ZFP2: variants seen among roughly 807,000 people sequenced by gnomAD.
ZFP2 encodes ZFP2 zinc finger protein, also known as zinc finger protein ZFP2.
A neutral mutation model predicts 36.1 loss-of-function variants in ZFP2; 33 were observed. The observed-to-expected ratio is 0.92, with a 90% CI of 0.69 to 1.22. The LOEUF is 1.22. Among genes scored for constraint, ZFP2 ranks in the 50% most tolerant of loss-of-function variants. The probability of loss-of-function intolerance (pLI) is 0.00; values close to 1 mark genes in which losing one functional copy is unlikely to be tolerated. For synonymous variants in ZFP2, 170 were observed against 178.0 expected, an observed-to-expected ratio of 0.96 and a Z score of 0.36; for missense variants, 522 against 551.4, an observed-to-expected ratio of 0.95 and a Z score of 0.53.
chr5:178,931,609 A>G lies in ZFP2; in HGVS notation c.296A>G (p.Lys99Arg), dbSNP rs372597097. ...AAAACTCAAAGAATGTTTGTAGGAAAGAAGATCTATGAATGTAATCAGTGC... is the reference window on the plus strand; with the variant it reads ...AAAACTCAAAGAATGTTTGTAGGAAGGAAGATCTATGAATGTAATCAGTGC... ...LIKTQRMFVG[K>R]KIYECNQCSK... Residue 99 changes from lysine to arginine, a missense_variant, in exon 5 of 5, where the codon AAG becomes AGG. Transcript: ENST00000361362. 15 of 1,614,092 alleles carry G rather than the reference A, an allele frequency of 9.3e-6. No individual in the cohort carries two copies. Among genetic ancestry groups the G allele is most frequent in the Non-Finnish European group, 1.3e-5 (15 of 1,180,038 alleles).
intron 1 of ZFP2, among the ~76,000 whole-genome samples, chr5:178,898,686 T>A (rs1473650676): frequency 1.3e-5 from 2 of 152,176 alleles, no homozygotes; most frequent in Non-Finnish European, 2.9e-5. Context: ...GTGAGCTCAT[T>A]TTTCCCTCTC....
chr5:178,923,914 T>G (rs1203011155), intron 4 of ZFP2, among the ~76,000 whole-genome samples: 1 of 149,482 alleles, frequency 6.7e-6, no homozygotes, highest in East Asian at 1.9e-4. Context: ...TTGTTCTTTT[T>G]GTAATTTGAT....
At chr5:178,918,253 T>G (rs1388629646) in intron 4 of ZFP2, among the ~76,000 whole-genome samples, 2 of 152,216 alleles carry the variant, frequency 1.3e-5, no homozygotes, top group African/African-American at 4.8e-5. Context: ...TTTATCGTGT[T>G]CATAAAACCA....
intron 4 of ZFP2, among the ~76,000 whole-genome samples, chr5:178,926,390 C>T (rs968399243): frequency 2.0e-5 from 3 of 152,156 alleles, no homozygotes; most frequent in Non-Finnish European, 4.4e-5. Flanking sequence ...TAAATGGATT[C>T]TCCTTTGCTT....
At chr5:178,920,670 C>G (rs933931452) in intron 4 of ZFP2, among the ~76,000 whole-genome samples, 1 of 151,804 alleles carries the variant, frequency 6.6e-6, no homozygotes, top group African/African-American at 2.4e-5. Flanking sequence ...TTTTTCACTT[C>G]CAGAATTTCC....
chr5:178,898,252 C>T (rs1757981850), intron 1 of ZFP2, among the ~76,000 whole-genome samples: 1 of 152,200 alleles, frequency 6.6e-6, no homozygotes, highest in South Asian at 2.1e-4. Flanking sequence ...TCCCAAAGTG[C>T]TGGGATTACA....
chr5:178,919,858 G>C (rs188372299), intron 4 of ZFP2, among the ~76,000 whole-genome samples: 34 of 152,232 alleles, frequency 2.2e-4, no homozygotes, highest in Middle Eastern at 3.4e-3. Flanking sequence ...CTACTTGGGA[G>C]GCTGAGGAGG....
rs1406067247 is a variant in ZFP2, at chr5:178,931,936, A to G, written c.623A>G (p.His208Arg). ...NSSLIQHERIHTGEKPYKCNE... is the reference protein window; with the variant it reads ...NSSLIQHERIRTGEKPYKCNE... ...TCTCTTATTCAGCATGAAAGGATTC[A>G]TACTGGAGAGAAACCCTACAAATGT... Residue 208 changes from histidine to arginine, a missense_variant, in exon 5 of 5, where the codon CAT (histidine) becomes CGT (arginine). Coordinates refer to ENST00000361362, the MANE Select transcript of ZFP2 (RefSeq NM_030613.4). The G allele has an allele frequency of 1.2e-6, 2 of 1,613,944 alleles. No homozygotes were observed. The highest frequency in any genetic ancestry group is 1.3e-5 in the African/African-American group (1 of 74,946).
intron 4 of ZFP2, among the ~76,000 whole-genome samples, chr5:178,928,431 C>A (rs554638464): frequency 2.0e-4 from 30 of 152,246 alleles, no homozygotes; most frequent in Middle Eastern, 6.8e-3. Flanking sequence ...GGGGTATAGG[C>A]ATTGGGTCAA....
rs151199399 is a variant in ZFP2 at position 178,932,498 on chromosome 5, T to C, written c.1185T>C (p.Ala395=). 6.2e-7 allele frequency: 1 copy of C among 1,613,886 alleles called. No homozygotes were observed. The highest frequency in any genetic ancestry group is 1.3e-5 in the African/African-American group (1 of 74,870). Residue 395 remains alanine, a synonymous_variant, in exon 5 of 5, where the codon GCT becomes GCC. Coordinates refer to ENST00000361362, the MANE Select transcript of ZFP2 (RefSeq NM_030613.4). ...NECGKAFSQS[A]YLIEHQRIHT... is the part of the protein sequence containing the mutation. ...GTGGAAAGGCATTCAGCCAGAGTGC[T>C]TACCTTATTGAACATCAAAGAATTC...
In ZFP2 at chr5:178,932,300, C is replaced by G. The variant is rs372341194; in HGVS notation, c.987C>G (p.Asn329Lys). Residue 329 changes from asparagine (N) to lysine (K), a missense_variant, in exon 5 of 5, where the codon AAC becomes AAG. Transcript: ENST00000361362. ...CTGGAGTAAAACCTTTTGAATGTAA[C>G]GAGTGTGGAAAAGCTTTCAGTAAGA... is the stretch of plus-strand genomic sequence containing the variant. ...LHSGVKPFEC[N>K]ECGKAFSKNS... The G allele has an allele frequency of 5.0e-6, 8 of 1,613,982 alleles. No individual in the cohort carries two copies. Among genetic ancestry groups the G allele is most frequent in the African/African-American group, 2.7e-5 (2 of 74,988 alleles).
At position 178,915,055 on chromosome 5, in the gene ZFP2, C is replaced by T. The variant is rs533769918; in HGVS notation, c.-223-1510C>T. Among the ~76,000 whole-genome samples, 22 of 152,262 alleles carry T rather than the reference C, an allele frequency of 1.4e-4. No homozygotes were observed. In the South Asian group the frequency reaches 4.4e-3, roughly 30 times the overall value. ...CTGAATGTTCTTCTTAAATAGCAGT[C>T]TTTCTAACGCATACACTAACTTCAC... On this transcript the variant is annotated intron_variant, in intron 3 of 4. Transcript: ENST00000361362.
intron 4 of ZFP2, among the ~76,000 whole-genome samples, chr5:178,924,091 A>G (rs1489095872): frequency 2.0e-5 from 3 of 149,176 alleles, no homozygotes; most frequent in Non-Finnish European, 4.5e-5. Flanking sequence ...TAAGAAACCT[A>G]CGCAAGGTGT....
At position 178,931,384 on chromosome 5, in the gene ZFP2, A is replaced by T. The variant is rs1758833278; in HGVS notation, c.71A>T (p.Gln24Leu). ...TWEPNNWLEG[Q>L]QDSHLSQVGV... ...GAACCTAATAATTGGTTAGAGGGAC[A>T]ACAGGATAGTCATCTGAGCCAAGTG... is the stretch of plus-strand genomic sequence containing the variant. The change falls in exon 5 of 5, where the codon CAA (glutamine) becomes CTA (leucine). Residue 24 changes from glutamine to leucine, a missense_variant. Coordinates refer to ENST00000361362, the MANE Select transcript of ZFP2 (RefSeq NM_030613.4). 1 of 1,614,026 alleles carries T rather than the reference A, an allele frequency of 6.2e-7. No homozygotes were observed. Among genetic ancestry groups the T allele is most frequent in the Non-Finnish European group, 8.5e-7 (1 of 1,180,018 alleles).
In ZFP2 at chr5:178,918,628, G is replaced by T. The variant is rs116494726; in HGVS notation, c.-78+1918G>T. ...ATATAAATCCTATAAGTTAACGAGT[G>T]AAGGCAGAAAAAGCATTCCAAGCCG... is the stretch of plus-strand genomic sequence containing the variant. On this transcript the variant is annotated intron_variant, in intron 4 of 4. Coordinates refer to ENST00000361362, the MANE Select transcript of ZFP2 (RefSeq NM_030613.4). Among the ~76,000 whole-genome samples, 381 of 152,272 alleles carry T rather than the reference G, an allele frequency of 2.5e-3. 1 individual carries two copies. The highest frequency in any genetic ancestry group is 8.8e-3 in the African/African-American group (366 of 41,542).
At chr5:178,928,836 T>G (rs888802394) in intron 4 of ZFP2, among the ~76,000 whole-genome samples, 2 of 152,230 alleles carry the variant, frequency 1.3e-5, no homozygotes, top group Non-Finnish European at 2.9e-5. Context: ...ACTGCCCTAG[T>G]ATAGGTTCTC....
At position 178,931,762 on chromosome 5, in the gene ZFP2, G is replaced by T. The variant is rs376749929; in HGVS notation, c.449G>T (p.Arg150Ile). The change falls in exon 5 of 5, where the codon AGA becomes ATA. Residue 150 changes from arginine (R) to isoleucine (I), a missense_variant. By Grantham distance (97) the Arg-to-Ile change is moderately conservative (BLOSUM62 -3). Coordinates refer to ENST00000361362, the MANE Select transcript of ZFP2 (RefSeq NM_030613.4). ...CGATCCTCCCTTACTGTACATCAAA[G>T]AATTCATACTGGAGAGAAACCCTAT... ...IERSSLTVHQRIHTGEKPYKC... is the reference protein window; with the variant it reads ...IERSSLTVHQIIHTGEKPYKC... The T allele has an allele frequency of 8.2e-5, 133 of 1,613,998 alleles. No homozygotes were observed. Among genetic ancestry groups the T allele is most frequent in the Non-Finnish European group, 1.1e-4 (126 of 1,180,034 alleles).
chr5:178,922,040 C>T, intron 4 of ZFP2: 1 of 753,056 alleles, frequency 1.3e-6, no homozygotes, highest in East Asian at 2.4e-5. Flanking sequence ...GCAGGAGAGT[C>T]AGCTAGCCAC....
intron 1 of ZFP2, among the ~76,000 whole-genome samples, chr5:178,896,626 G>A (rs1475841086): frequency 6.6e-6 from 1 of 152,138 alleles, no homozygotes; most frequent in Non-Finnish European, 1.5e-5. Flanking sequence ...TTTTCCTTAA[G>A]CGATTTCACT....
Sources: gnomAD v4.1 joint callset for allele counts (sites outside exome capture counted in the v4.1 genomes callset) on GRCh38, gnomAD v4.1.1 for gene constraint, MANE v1.5 for transcripts, NCBI Gene and HGNC (gene_info 2026-07-23, HGNC 2026-07-21) for gene names.